DCBLD2: variants seen among roughly 807,000 people sequenced by gnomAD.
DCBLD2 encodes discoidin, CUB and LCCL domain-containing protein 2.
Under a neutral mutation model 86.8 loss-of-function variants are expected in DCBLD2, and 54 were observed. That is an observed-to-expected ratio of 0.62 (90% CI 0.50 to 0.78). The LOEUF is 0.78. DCBLD2 is among the 30% of genes least tolerant of loss of function. The pLI, the probability that DCBLD2 is intolerant of heterozygous loss-of-function variation, is 0.00. For missense variants in DCBLD2, 908 were observed against 954.2 expected, an observed-to-expected ratio of 0.95 and a Z score of 0.64; for synonymous variants, 354 against 341.3, an observed-to-expected ratio of 1.04 and a Z score of -0.41.
At chr3:98,897,998 CAATTT>C (rs1021454654) in intron 1 of DCBLD2, among the ~76,000 whole-genome samples, 2 of 151,918 alleles carry the variant, frequency 1.3e-5, no homozygotes, top group African/African-American at 2.4e-5. Flanking sequence ...TAAGTTTCAC[CAATTT>C]AATTTTTTTG....
intron 3 of DCBLD2, among the ~76,000 whole-genome samples, chr3:98,844,372 T>TATTATTATTATTATTATTA (rs1559783639): frequency 6.6e-6 from 1 of 150,552 alleles, no homozygotes; most frequent in African/African-American, 2.4e-5. Context: ...TTATTATTAT[T>TATTATTATTATTATTATTA]TTGGGATAGA....
At chr3:98,819,143 CT>C (rs1341192699) in intron 8 of DCBLD2, 58 bp downstream of exon 8, 1 of 1,441,586 alleles carries the variant, frequency 6.9e-7, no homozygotes, top group Middle Eastern at 2.5e-4. Flanking sequence ...TTAGATGTTA[CT>C]AGTTTTTCAA....
intron 2 of DCBLD2, among the ~76,000 whole-genome samples, chr3:98,857,040 G>C (rs756305814): frequency 2.0e-5 from 3 of 152,182 alleles, no homozygotes; most frequent in Non-Finnish European, 2.9e-5. Context: ...CTTAAAGGTG[G>C]CATGTCCGGA....
At chr3:98,822,385 T>C (rs774327715) in intron 5 of DCBLD2, 24 bp from the exon 6 acceptor site, 6 of 1,600,724 alleles carry the variant, frequency 3.7e-6, no homozygotes, top group African/African-American at 1.3e-5. Context: ...AAAGAAAAGA[T>C]TCATTTTTAA....
At chr3:98,805,852 T>A (rs969289499) in intron 13 of DCBLD2, among the ~76,000 whole-genome samples, 5 of 152,098 alleles carry the variant, frequency 3.3e-5, no homozygotes, top group South Asian at 2.1e-4. Flanking sequence ...TCACACCCTG[T>A]GCTTTAATAA....
intron 3 of DCBLD2, among the ~76,000 whole-genome samples, chr3:98,844,034 GCACACACACACACACACA>G (rs10574415): frequency 6.9e-6 from 1 of 145,526 alleles, no homozygotes; most frequent in African/African-American, 2.5e-5. Flanking sequence ...AATCATGCAT[GCACACACACACACACACA>G]CACACACACA....
At chr3:98,894,550 G>C (rs1196856630) in intron 1 of DCBLD2, among the ~76,000 whole-genome samples, 1 of 152,152 alleles carries the variant, frequency 6.6e-6, no homozygotes. Context: ...ATTTCAGCTT[G>C]AAGGATTCCT....
intron 1 of DCBLD2, 172 bp downstream of exon 1, chr3:98,900,950 G>A (rs1004001679): frequency 1.7e-6 from 2 of 1,180,038 alleles, no homozygotes; most frequent in African/African-American, 3.1e-5. Flanking sequence ...TTGGGGGACA[G>A]ACGGGCAAGA....
chr3:98,836,853 C>T (rs1402334220), intron 3 of DCBLD2, among the ~76,000 whole-genome samples: 1 of 58,966 alleles, frequency 1.7e-5, no homozygotes, highest in Non-Finnish European at 3.7e-5. Context: ...CCGGACGGGG[C>T]GGCTGGCCGG....
intron 3 of DCBLD2, among the ~76,000 whole-genome samples, chr3:98,829,666 C>G (rs570817257): frequency 6.6e-6 from 1 of 152,288 alleles, no homozygotes; most frequent in East Asian, 1.9e-4. Flanking sequence ...ATCCAGTCTA[C>G]CATTAATGGA....
At position 98,829,177 on chromosome 3, in the gene DCBLD2, T is replaced by G. The variant is rs866104962; in HGVS notation, c.572-3811A>C. On this transcript the variant is annotated intron_variant, in intron 3 of 15. Coordinates refer to ENST00000326840, the MANE Select transcript of DCBLD2 (RefSeq NM_080927.4). ...TATTATTTAATTTCAACTTTTATTT[T>G]AGATACGGGGTACATGTGTAGGTTT... Among the ~76,000 whole-genome samples the G allele has an allele frequency of 5.3e-5, 8 of 152,362 alleles. No individual in the cohort carries two copies. In the Middle Eastern group the frequency reaches 0.014, roughly 259 times the overall value.
chr3:98,858,926 C>T (rs1206722736), intron 2 of DCBLD2, among the ~76,000 whole-genome samples: 1 of 152,196 alleles, frequency 6.6e-6, no homozygotes, highest in Non-Finnish European at 1.5e-5. Flanking sequence ...GAGGTACTGG[C>T]ATCGCTTCAC....
At chr3:98,849,312 C>A (rs747537666) in intron 3 of DCBLD2, 149 bp downstream of exon 3, 1 of 969,024 alleles carries the variant, frequency 1.0e-6, no homozygotes, top group Non-Finnish European at 1.5e-6. Flanking sequence ...ACTGAACTCA[C>A]CTTATTTGTC....
intron 13 of DCBLD2, among the ~76,000 whole-genome samples, chr3:98,802,167 T>C (rs1161593407): frequency 3.3e-5 from 5 of 152,194 alleles, no homozygotes; most frequent in African/African-American, 1.2e-4. Flanking sequence ...GTTACAGTCC[T>C]ACCAACAGTG....
intron 1 of DCBLD2, among the ~76,000 whole-genome samples, chr3:98,883,029 C>T (rs1040270796): frequency 6.6e-6 from 1 of 152,224 alleles, no homozygotes; most frequent in South Asian, 2.1e-4. Context: ...CTAATTTACA[C>T]TCCCACCAAC....
intron 2 of DCBLD2, among the ~76,000 whole-genome samples, chr3:98,850,308 T>C (rs1205599725): frequency 6.6e-6 from 1 of 152,222 alleles, no homozygotes; most frequent in Non-Finnish European, 1.5e-5. Context: ...TAATGACAGC[T>C]TTTGGGCACG....
chr3:98,811,535 A>G lies in DCBLD2; in HGVS notation c.1383T>C (p.Thr461=). The G allele has an allele frequency of 6.3e-7, 1 of 1,586,568 alleles. No individual in the cohort carries two copies. Among genetic ancestry groups the G allele is most frequent in the Non-Finnish European group, 8.6e-7 (1 of 1,169,430 alleles). ...TGCTGTTCCGAGGAGGTGGAGGTTGAGTAAGTTTTGGAGGACGACCTTGAA... is the reference window on the plus strand; with the variant it reads ...TGCTGTTCCGAGGAGGTGGAGGTTGGGTAAGTTTTGGAGGACGACCTTGAA... ...FIPKGRPPKL[T]QPPPPRNSND... is the part of the protein sequence containing the mutation. Residue 461 remains threonine, a synonymous_variant, in exon 11 of 16, where the codon ACT becomes ACC. Coordinates refer to ENST00000326840, the MANE Select transcript of DCBLD2 (RefSeq NM_080927.4).
intron 12 of DCBLD2, 31 bp downstream of exon 12, chr3:98,811,163 G>A: frequency 6.3e-7 from 1 of 1,575,642 alleles, no homozygotes; most frequent in Admixed American, 1.9e-5. Flanking sequence ...ACAATACTAT[G>A]TACTAGGCGT....
At chr3:98,894,929 C>T (rs2439222) in intron 1 of DCBLD2, among the ~76,000 whole-genome samples, 49,746 of 151,738 alleles carry the variant, frequency 0.33, 8,495 homozygotes, top group Non-Finnish European at 0.39. Context: ...AATGTATTAT[C>T]CGGAGATGAG....
Sources: allele counts gnomAD v4.1 joint callset (sites outside exome capture counted in the v4.1 genomes callset), GRCh38; gene constraint gnomAD v4.1.1; transcripts MANE v1.5; gene names NCBI Gene and HGNC (gene_info 2026-07-23, HGNC 2026-07-21).